Variants in LUC7L3 observed in about 807,000 individuals in gnomAD.
LUC7L3 encodes the protein luc7-like protein 3.
LUC7L3 carries 6 observed loss-of-function variants against 66.8 expected under a neutral mutation model. The observed-to-expected ratio is 0.09, with a 90% confidence interval of 0.05 to 0.18. The LOEUF (loss-of-function observed/expected upper bound fraction) is 0.18, where lower values mean the gene tolerates loss of function less well. LUC7L3 is among the 10% of genes least tolerant of loss of function. The pLI is 1.00. For missense variants in LUC7L3, 341 were observed against 531.1 expected, an observed-to-expected ratio of 0.64 and a Z score of 3.52; for synonymous variants, 160 against 174.7, an observed-to-expected ratio of 0.92 and a Z score of 0.66.
chr17:50,739,085 C>G (rs902325287), intron 2 of LUC7L3, among the ~76,000 whole-genome samples: 1 of 152,080 alleles, frequency 6.6e-6, no homozygotes, highest in Non-Finnish European at 1.5e-5. Context: ...TCCCACGGGC[C>G]TTTTCTCAGG....
At chr17:50,744,962 C>A in intron 7 of LUC7L3, 149 bp downstream of exon 7, 1 of 591,948 alleles carries the variant, frequency 1.7e-6, no homozygotes, top group Non-Finnish European at 2.9e-6. Context: ...CAGGCATGTG[C>A]CACCAGGCCT....
intron 1 of LUC7L3, chr17:50,723,281 G>A (rs1242159342): frequency 6.6e-6 from 1 of 152,134 alleles, no homozygotes; most frequent in Non-Finnish European, 1.5e-5. Context: ...TCAAACTCAA[G>A]CCTACCCTTC....
chr17:50,735,205 G>A (rs1354750550), intron 1 of LUC7L3, among the ~76,000 whole-genome samples: 1 of 149,940 alleles, frequency 6.7e-6, no homozygotes, highest in Non-Finnish European at 1.5e-5. Context: ...ACTCCAGCCA[G>A]GGCAACAAGA....
At position 50,732,334 on chromosome 17, in the gene LUC7L3, A is replaced by G. The variant is rs140119768; in HGVS notation, c.100-4626A>G. Among the ~76,000 whole-genome samples the G allele has an allele frequency of 9.2e-4, 140 of 152,264 alleles. 1 individual carries two copies. In the East Asian group the frequency reaches 0.021, roughly 22 times the overall value. On this transcript the variant is annotated intron_variant, in intron 1 of 9. Coordinates refer to ENST00000505658, the MANE Select transcript of LUC7L3 (RefSeq NM_016424.5). ...ATACAGGCTAACACCTTTTTCTTCC[A>G]ATTTAGCAAATGTACACAGTTTAAT...
intron 1 of LUC7L3, among the ~76,000 whole-genome samples, chr17:50,721,478 CTT>C (rs944183817): frequency 3.3e-5 from 5 of 152,150 alleles, no homozygotes; most frequent in Admixed American, 6.6e-5. Context: ...AGTTTTAGTA[CTT>C]TTCACTAATT....
intron 1 of LUC7L3, among the ~76,000 whole-genome samples, chr17:50,721,723 T>C (rs1968780803): frequency 6.6e-6 from 1 of 152,218 alleles, no homozygotes; most frequent in African/African-American, 2.4e-5. Flanking sequence ...CTGCATATTC[T>C]TGTACTGTTG....
At chr17:50,725,716 TGAAGAC>T (rs1437732942) in intron 1 of LUC7L3, among the ~76,000 whole-genome samples, 4 of 152,176 alleles carry the variant, frequency 2.6e-5, no homozygotes, top group Non-Finnish European at 5.9e-5. Flanking sequence ...TGAAAAAACT[TGAAGAC>T]GAATCACATA....
chr17:50,723,750 C>T, intron 1 of LUC7L3: 2 of 311,764 alleles, frequency 6.4e-6, no homozygotes, highest in South Asian at 4.6e-5. Flanking sequence ...CACCTCCTGG[C>T]CTCAGCGTCC....
At chr17:50,735,230 C>CAAAAAAA (rs907051149) in intron 1 of LUC7L3, among the ~76,000 whole-genome samples, 1 of 64,996 alleles carries the variant, frequency 1.5e-5, no homozygotes. Context: ...AACTCTGTCT[C>CAAAAAAA]AAAAAAAAAA....
At chr17:50,748,874 G>C (rs1970842069) in intron 9 of LUC7L3, among the ~76,000 whole-genome samples, 1 of 111,038 alleles carries the variant, frequency 9.0e-6, no homozygotes, top group Non-Finnish European at 1.8e-5. Flanking sequence ...GCAGATGAGT[G>C]AATTTAAAAA....
At chr17:50,722,045 A>G (rs543134040) in intron 1 of LUC7L3, 12 of 151,978 alleles carry the variant, frequency 7.9e-5, no homozygotes, top group Non-Finnish European at 1.8e-4. Flanking sequence ...TAGTCCCTAG[A>G]TAGCTGTATT....
rs1483684365 is a variant in LUC7L3, at chr17:50,752,233, A to G, written c.*1572A>G. On this transcript the variant is annotated 3_prime_UTR_variant, in exon 10 of 10. Transcript: ENST00000505658. ...TTCGAAGATTTTTGGAAGAATACTG[A>G]GAACGGCATAAAGTGAAGATCGACA... 7.8e-7 allele frequency: 1 copy of G among 1,284,702 alleles called. No individual in the cohort carries two copies. Among genetic ancestry groups the G allele is most frequent in the Non-Finnish European group, 1.0e-6 (1 of 986,262 alleles). 79.6% of individuals were successfully genotyped at this position (1,284,702 alleles called of 1,614,324 possible). A position where few individuals can be genotyped will look rare whatever the true frequency, so the allele number is the denominator to read the frequency against.
intron 9 of LUC7L3, among the ~76,000 whole-genome samples, chr17:50,747,287 A>C (rs1385994122): frequency 7.6e-6 from 1 of 131,902 alleles, no homozygotes; most frequent in Non-Finnish European, 1.6e-5. Context: ...TGCTGTTGGC[A>C]CTATTAATGG....
At chr17:50,724,047 A>G in intron 1 of LUC7L3, 1 of 441,486 alleles carries the variant, frequency 2.3e-6, no homozygotes, top group South Asian at 1.6e-5. Context: ...TTCCCAAAAC[A>G]TACAGAATTA....
In LUC7L3 at chr17:50,752,906, A is replaced by T. The variant is rs981788588; in HGVS notation, c.*2245A>T. On this transcript the variant is annotated 3_prime_UTR_variant, in exon 10 of 10. Coordinates refer to ENST00000505658, the MANE Select transcript of LUC7L3 (RefSeq NM_016424.5). The stretch of plus-strand genomic sequence containing the variant: ...GCAAAGATGTGCAGTGAACTAGAAT[A>T]TATTTTTACATCCCTGAGAGATTCA... 2.0e-5 allele frequency: 3 copies of T among 152,032 alleles called. No homozygotes were observed. The highest frequency in any genetic ancestry group is 6.6e-5 in the Admixed American group (1 of 15,250). The allele number at this position is 152,032 out of a possible 1,614,324, so 9.4% of individuals were successfully genotyped here.
chr17:50,746,973 T>G (rs1272063742), intron 9 of LUC7L3, among the ~76,000 whole-genome samples: 3 of 152,184 alleles, frequency 2.0e-5, no homozygotes, highest in African/African-American at 7.2e-5. Flanking sequence ...AGTGTTATAT[T>G]ACCTTTCGGG....
Position 50,750,703 on chromosome 17 carries a change from A to G in LUC7L3, c.*42A>G. The G allele has an allele frequency of 1.2e-6, 2 of 1,614,030 alleles. No homozygotes were observed. The highest frequency in any genetic ancestry group is 1.7e-6 in the Non-Finnish European group (2 of 1,179,990). Reference sequence around the variant, plus strand: ...CCTCAGATCAGACAGAGGTAAGTGTATTGTTTCTCACTTTGATTAGGGCTT... The same window carrying G: ...CCTCAGATCAGACAGAGGTAAGTGTGTTGTTTCTCACTTTGATTAGGGCTT... On this transcript the variant is annotated 3_prime_UTR_variant, in exon 10 of 10. Transcript: ENST00000505658.
rs972589054 is a variant in LUC7L3 at position 50,752,020 on chromosome 17, C to T, written c.*1359C>T. On this transcript the variant is annotated 3_prime_UTR_variant, in exon 10 of 10. Coordinates refer to ENST00000505658, the MANE Select transcript of LUC7L3 (RefSeq NM_016424.5). ...TCTGTGTATGTCATTCACACTTAGGCAAGCATACACAGGCACATGGCTTTA... is the reference window on the plus strand; with the variant it reads ...TCTGTGTATGTCATTCACACTTAGGTAAGCATACACAGGCACATGGCTTTA... 1.0e-5 allele frequency: 11 copies of T among 1,099,960 alleles called. No individual in the cohort carries two copies. Among genetic ancestry groups the T allele is most frequent in the Non-Finnish European group, 1.2e-5 (11 of 895,514 alleles). The allele number at this position is 1,099,960 out of a possible 1,614,324, so 68.1% of individuals were successfully genotyped here. A position where few individuals can be genotyped will look rare whatever the true frequency, so the allele number is the denominator to read the frequency against.
rs527441600 is a variant in LUC7L3 at position 50,751,742 on chromosome 17, C to T, written c.*1081C>T. ...AGGAATAGTCACTCACTGGCTGATA[C>T]ATTTAAAGCAGCAGTGTGAATAGCA... On this transcript the variant is annotated 3_prime_UTR_variant, in exon 10 of 10. Coordinates refer to ENST00000505658, the MANE Select transcript of LUC7L3 (RefSeq NM_016424.5). 6.8e-5 allele frequency: 70 copies of T among 1,033,360 alleles called. 1 individual carries two copies. The highest frequency in any genetic ancestry group is 1.2e-4 in the African/African-American group (7 of 58,028). The allele number at this position is 1,033,360 out of a possible 1,614,324, so 64.0% of individuals were successfully genotyped here.
Sources: gnomAD v4.1 joint callset for allele counts (sites outside exome capture counted in the v4.1 genomes callset) on GRCh38, gnomAD v4.1.1 for gene constraint, MANE v1.5 for transcripts, NCBI Gene and HGNC (gene_info 2026-07-23, HGNC 2026-07-21) for gene names.